PCDHGA10: variants seen among roughly 807,000 people sequenced by gnomAD.
PCDHGA10 encodes the protein protocadherin gamma-A10.
In PCDHGA10, 42 loss-of-function variants were observed where a neutral mutation model predicts 59.5. The ratio of observed to expected loss-of-function variants is 0.71; its 90% CI spans 0.55 to 0.91. The LOEUF (loss-of-function observed/expected upper bound fraction) is 0.91, where lower values mean the gene tolerates loss of function less well. PCDHGA10 is among the 40% of genes least tolerant of loss of function. The probability of loss-of-function intolerance (pLI) is 0.00; values close to 1 mark genes in which losing one functional copy is unlikely to be tolerated. For synonymous variants in PCDHGA10, 511 were observed against 517.2 expected, an observed-to-expected ratio of 0.99 and a Z score of 0.16; for missense variants, 1,111 against 1,198.2, an observed-to-expected ratio of 0.93 and a Z score of 1.07.
chr5:141,414,099 A>C lies in PCDHGA10; in HGVS notation c.924A>C (p.Ser308=). ...AATATACTGGAGAAATAAAAATATCAGAAAATCTAGATTATGAAGAAACCG... is the reference window on the plus strand; with the variant it reads ...AATATACTGGAGAAATAAAAATATCCGAAAATCTAGATTATGAAGAAACCG... ...LNKYTGEIKI[S]ENLDYEETGF... is the part of the protein sequence containing the mutation. Residue 308 remains serine, a synonymous_variant, in exon 1 of 4, where the codon TCA becomes TCC. Transcript: ENST00000398610. 3 of 1,593,504 alleles carry C rather than the reference A, an allele frequency of 1.9e-6. No individual in the cohort carries two copies. Among genetic ancestry groups the C allele is most frequent in the Non-Finnish European group, 8.5e-7 (1 of 1,169,666 alleles).
At chr5:141,478,299 G>A (rs201916687) in intron 1 of PCDHGA10, 1 of 1,614,056 alleles carries the variant, frequency 6.2e-7, no homozygotes, top group Non-Finnish European at 8.5e-7. Flanking sequence ...GACCTATACC[G>A]AGCCCCGGTG....
chr5:141,477,482 C>T lies in PCDHGA10; in HGVS notation c.2437-17325C>T, dbSNP rs1168724444. The T allele has an allele frequency of 6.2e-7, 1 of 1,614,118 alleles. No individual in the cohort carries two copies. Among genetic ancestry groups the T allele is most frequent in the Non-Finnish European group, 8.5e-7 (1 of 1,180,016 alleles). ...GTCCGACATCAATGACAACCCTCCA[C>T]AATCTTCTCAATCTTCCTACGACGT... is the stretch of plus-strand genomic sequence containing the variant. On this transcript the variant is annotated intron_variant, in intron 1 of 3. Coordinates refer to ENST00000398610, the MANE Select transcript of PCDHGA10 (RefSeq NM_018913.3). This position sits in a 1 kb window ranked among gnomAD's most constrained non-coding sequence, Gnocchi z 4.9.
chr5:141,463,910 A>G (rs2099071862), intron 1 of PCDHGA10, among the ~76,000 whole-genome samples: 1 of 152,178 alleles, frequency 6.6e-6, no homozygotes, highest in Admixed American at 6.5e-5. Flanking sequence ...CTAATAATAT[A>G]TCCTGGAAAT....
chr5:141,491,855 G>A lies in PCDHGA10; in HGVS notation c.2437-2952G>A. ...TTCTCGGGATCATTGGACCGTTTGC[G>A]CGAAACCAGAGTGGCCGATTAAGGG... On this transcript the variant is annotated intron_variant, in intron 1 of 3. Coordinates refer to ENST00000398610, the MANE Select transcript of PCDHGA10 (RefSeq NM_018913.3). The surrounding 1 kb of genome is among the most constrained non-coding windows in gnomAD (Gnocchi z 6.9). The A allele has an allele frequency of 2.7e-6, 4 of 1,459,380 alleles. No individual in the cohort carries two copies. The highest frequency in any genetic ancestry group is 3.6e-6 in the Non-Finnish European group (4 of 1,103,492). The allele number at this position is 1,459,380 out of a possible 1,614,324, so 90.4% of individuals were successfully genotyped here. A position where few individuals can be genotyped will look rare whatever the true frequency, so the allele number is the denominator to read the frequency against.
chr5:141,418,980 A>C (rs1219866791), intron 1 of PCDHGA10: 2 of 1,614,004 alleles, frequency 1.2e-6, no homozygotes, highest in Non-Finnish European at 1.7e-6. Flanking sequence ...ACACGGGACC[A>C]AGACTCAGGG....
In PCDHGA10 at chr5:141,489,353, A is replaced by G. The variant is rs1423278514; in HGVS notation, c.2437-5454A>G. 3.7e-6 allele frequency: 6 copies of G among 1,612,316 alleles called. No homozygotes were observed. In the African/African-American group the frequency reaches 6.7e-5, roughly 18 times the overall value. ...CAGCTTCGTTACTCAGTGGTGGAGG[A>G]GTCTGAGCCGGGGACGCTGGTGGGG... On this transcript the variant is annotated intron_variant, in intron 1 of 3. Transcript: ENST00000398610. This position sits in a 1 kb window ranked among gnomAD's most constrained non-coding sequence, Gnocchi z 4.5.
At chr5:141,454,625 C>T (rs1193628253) in intron 1 of PCDHGA10, among the ~76,000 whole-genome samples, 2 of 151,512 alleles carry the variant, frequency 1.3e-5, no homozygotes, top group East Asian at 1.9e-4. Flanking sequence ...AGGCTGGTCT[C>T]GAACCCCCAA....
chr5:141,424,860 A>C (rs2154550951), intron 1 of PCDHGA10, among the ~76,000 whole-genome samples: 1 of 152,340 alleles, frequency 6.6e-6, no homozygotes. Flanking sequence ...TGTCTAGGAA[A>C]GCCAAATGAG....
In PCDHGA10 at chr5:141,489,597, A is replaced by G; in HGVS notation, c.2437-5210A>G. 6.2e-7 allele frequency: 1 copy of G among 1,614,100 alleles called. No individual in the cohort carries two copies. The highest frequency in any genetic ancestry group is 1.3e-5 in the African/African-American group (1 of 75,040). ...AACACCCCCTGGAGCTAATCCGTGTAGAGGTAGAGATCCTGGATCTCAATG... is the reference window on the plus strand; with the variant it reads ...AACACCCCCTGGAGCTAATCCGTGTGGAGGTAGAGATCCTGGATCTCAATG... On this transcript the variant is annotated intron_variant, in intron 1 of 3. Transcript: ENST00000398610. The surrounding 1 kb of genome is among the most constrained non-coding windows in gnomAD (Gnocchi z 4.5).
At chr5:141,423,303 G>C (rs779246046) in intron 1 of PCDHGA10, 2 of 1,614,172 alleles carry the variant, frequency 1.2e-6, no homozygotes, top group Non-Finnish European at 1.7e-6. Flanking sequence ...ACCTCTCGCT[G>C]TACTTGGTGG....
intron 1 of PCDHGA10, among the ~76,000 whole-genome samples, chr5:141,458,513 G>T (rs968604511): frequency 6.8e-6 from 1 of 146,128 alleles, no homozygotes; most frequent in Non-Finnish European, 1.5e-5. Flanking sequence ...TTGACACTTT[G>T]TTTTTTTTTT....
chr5:141,416,859 G>A (rs1411419006), intron 1 of PCDHGA10: 1 of 151,936 alleles, frequency 6.6e-6, no homozygotes, highest in South Asian at 2.1e-4. Context: ...ATTTTTTTCA[G>A]GTCAGTCAAC....
At chr5:141,417,866 G>C (rs1299960512) in intron 1 of PCDHGA10, 1 of 1,552,408 alleles carries the variant, frequency 6.4e-7, no homozygotes, top group African/African-American at 1.4e-5. Context: ...AACGATGGGA[G>C]GGAGCTGCGC....
intron 1 of PCDHGA10, among the ~76,000 whole-genome samples, chr5:141,447,339 A>T (rs767342137): frequency 6.6e-6 from 1 of 151,770 alleles, no homozygotes; most frequent in Non-Finnish European, 1.5e-5. Flanking sequence ...GGGTTTCATC[A>T]TATTGGTCAG....
At chr5:141,450,453 C>T (rs1202828231) in intron 1 of PCDHGA10, among the ~76,000 whole-genome samples, 3 of 152,058 alleles carry the variant, frequency 2.0e-5, no homozygotes, top group East Asian at 1.9e-4. Flanking sequence ...TATGTTTCCT[C>T]GTGATTTTAT....
rs1464357405 is a variant in PCDHGA10 at position 141,476,385 on chromosome 5, A to G, written c.2437-18422A>G. On this transcript the variant is annotated intron_variant, in intron 1 of 3. Coordinates refer to ENST00000398610, the MANE Select transcript of PCDHGA10 (RefSeq NM_018913.3). The surrounding 1 kb of genome is among the most constrained non-coding windows in gnomAD (Gnocchi z 7.6). ...GAGACCGGAGAGATGTTTGTGAACG[A>G]CCGTCTGGATCGAGAGGAGCTGTGT... The G allele has an allele frequency of 4.3e-6, 7 of 1,614,062 alleles. No homozygotes were observed. The highest frequency in any genetic ancestry group is 5.9e-6 in the Non-Finnish European group (7 of 1,180,020).
In PCDHGA10 at chr5:141,477,013, T is replaced by A. The variant is rs1285961519; in HGVS notation, c.2437-17794T>A. On this transcript the variant is annotated intron_variant, in intron 1 of 3. Coordinates refer to ENST00000398610, the MANE Select transcript of PCDHGA10 (RefSeq NM_018913.3). This position sits in a 1 kb window ranked among gnomAD's most constrained non-coding sequence, Gnocchi z 4.9. ...TGCGGCAACTATTCGCCTTAGACCT[T>A]GTAACCGGGATGCTGACAATCAAGG... is the stretch of plus-strand genomic sequence containing the variant. 6.2e-7 allele frequency: 1 copy of A among 1,614,204 alleles called. No individual in the cohort carries two copies. The highest frequency in any genetic ancestry group is 2.2e-5 in the East Asian group (1 of 44,878).
At chr5:141,458,988 C>T (rs996478276) in intron 1 of PCDHGA10, among the ~76,000 whole-genome samples, 1 of 152,208 alleles carries the variant, frequency 6.6e-6, no homozygotes, top group South Asian at 2.1e-4. Context: ...CTGCCTCACC[C>T]TCCCAAAGTG....
Position 141,413,631 on chromosome 5 carries a change from G to A in PCDHGA10, c.456G>A (p.Ala152=). The stretch of plus-strand genomic sequence containing the variant: ...TAAAAATTAATGAAAATGTCGCTGC[G>A]GGAATGCGTTTTCCTCTCCCGGAAG... ...LDVKINENVA[A]GMRFPLPEAI... The change falls in exon 1 of 4, where the codon GCG becomes GCA. Residue 152 remains alanine, a synonymous_variant. Transcript: ENST00000398610. 2.5e-6 allele frequency: 4 copies of A among 1,613,750 alleles called. No individual in the cohort carries two copies. The highest frequency in any genetic ancestry group is 1.7e-5 in the Admixed American group (1 of 60,018).
Sources: allele counts gnomAD v4.1 joint callset (sites outside exome capture counted in the v4.1 genomes callset), GRCh38; gene constraint gnomAD v4.1.1; non-coding constraint Gnocchi (gnomAD v3.1); transcripts MANE v1.5; gene names NCBI Gene and HGNC (gene_info 2026-07-23, HGNC 2026-07-21).